The following ANKMY2 variants were observed in gnomAD, a reference collection of about 807,000 sequenced individuals.
ANKMY2 encodes the protein ankyrin repeat and MYND domain-containing protein 2.
In ANKMY2, 36 loss-of-function variants were observed where a neutral mutation model predicts 50.4. That is an observed-to-expected ratio of 0.71 (90% CI 0.55 to 0.94). The LOEUF (loss-of-function observed/expected upper bound fraction) is 0.94, where lower values mean the gene tolerates loss of function less well. ANKMY2 is among the 40% of genes least tolerant of loss of function. The pLI is 0.00. For missense variants in ANKMY2, 565 were observed against 524.0 expected, an observed-to-expected ratio of 1.08 and a Z score of -0.76; for synonymous variants, 187 against 178.8, an observed-to-expected ratio of 1.05 and a Z score of -0.36.
At chr7:16,643,016 T>C (rs1224015248) in intron 1 of ANKMY2, among the ~76,000 whole-genome samples, 4 of 152,244 alleles carry the variant, frequency 2.6e-5, no homozygotes, top group Non-Finnish European at 4.4e-5. Context: ...AGTTCCTCAG[T>C]TGCCTTGCCT....
rs1781826427 is a variant in ANKMY2, at chr7:16,645,545, G to A, written c.29C>T (p.Thr10Ile). The A allele has an allele frequency of 6.2e-7, 1 of 1,611,966 alleles. No individual in the cohort carries two copies. The highest frequency in any genetic ancestry group is 8.5e-7 in the Non-Finnish European group (1 of 1,179,026). MVHIKKGEL[T>I]QEEKELLEVI... is the part of the protein sequence containing the mutation. The stretch of plus-strand genomic sequence containing the variant: ...TTCCAGTAGCTCCTTCTCCTCCTGG[G>A]TCAGCTCGCCTTTCTTTATGTGAAC... The change falls in exon 1 of 10, where the codon ACC becomes ATC. Residue 10 changes from threonine (T) to isoleucine (I), a missense_variant. Thr to Ile is a moderately conservative substitution (Grantham distance 89). Transcript: ENST00000306999.
chr7:16,611,110 T>TA (rs1194822535), intron 5 of ANKMY2, among the ~76,000 whole-genome samples: 3 of 152,216 alleles, frequency 2.0e-5, no homozygotes, highest in African/African-American at 7.2e-5. Context: ...ACATTTTACA[T>TA]AAAGAATCAA....
At chr7:16,628,164 G>C (rs901805143) in intron 2 of ANKMY2, among the ~76,000 whole-genome samples, 1 of 152,206 alleles carries the variant, frequency 6.6e-6, no homozygotes, top group Non-Finnish European at 1.5e-5. Context: ...GCGAAACGCT[G>C]TAAGTACCAA....
chr7:16,645,061 G>A (rs1013767786), intron 1 of ANKMY2, among the ~76,000 whole-genome samples: 1 of 152,152 alleles, frequency 6.6e-6, no homozygotes, highest in Non-Finnish European at 1.5e-5. Flanking sequence ...TCCCAAGCGG[G>A]GGCGGGGATC....
At chr7:16,629,875 G>A (rs1323397543) in intron 2 of ANKMY2, among the ~76,000 whole-genome samples, 1 of 152,002 alleles carries the variant, frequency 6.6e-6, no homozygotes, top group African/African-American at 2.4e-5. Context: ...ACTTTCCCAT[G>A]GGCAAAGTAA....
chr7:16,626,167 G>C (rs570396437), intron 3 of ANKMY2, among the ~76,000 whole-genome samples: 1 of 152,010 alleles, frequency 6.6e-6, no homozygotes, highest in African/African-American at 2.4e-5. Context: ...TTTTGGTAGA[G>C]ACGGGGTCTC....
At chr7:16,620,045 G>A (rs565870948) in intron 4 of ANKMY2, among the ~76,000 whole-genome samples, 118 of 152,314 alleles carry the variant, frequency 7.7e-4, no homozygotes, top group African/African-American at 2.8e-3. Flanking sequence ...GGCAAAATAT[G>A]ACTCACATTT....
At chr7:16,607,022 C>CG (rs1781172219) in intron 7 of ANKMY2, among the ~76,000 whole-genome samples, 1 of 151,996 alleles carries the variant, frequency 6.6e-6, no homozygotes, top group Non-Finnish European at 1.5e-5. Flanking sequence ...CCATCGTATG[C>CG]GGGGAAAAGG....
chr7:16,620,758 A>C (rs1322321953), intron 4 of ANKMY2, among the ~76,000 whole-genome samples: 1 of 152,198 alleles, frequency 6.6e-6, no homozygotes, highest in Non-Finnish European at 1.5e-5. Context: ...GGAAACTAAC[A>C]TTTTAGATTA....
At chr7:16,627,485 T>C (rs978914816) in intron 2 of ANKMY2, among the ~76,000 whole-genome samples, 1 of 152,076 alleles carries the variant, frequency 6.6e-6, no homozygotes, top group African/African-American at 2.4e-5. Context: ...ACTTACTTTC[T>C]CAGAAAGCAA....
Position 16,622,631 on chromosome 7 carries a change from T to C in ANKMY2, c.370+2352A>G, listed in dbSNP as rs550994079. On this transcript the variant is annotated intron_variant, in intron 4 of 9. Transcript: ENST00000306999. ...GGCGCACACCTATAATCCCAGCTAG[T>C]TGGGAGGCTGAGGCAGGAGAATCAC... Among the ~76,000 whole-genome samples the C allele has an allele frequency of 3.2e-4, 49 of 151,694 alleles. 1 individual carries two copies. The highest frequency in any genetic ancestry group is 1.2e-3 in the African/African-American group (48 of 41,318).
chr7:16,600,991 A>G, intron 9 of ANKMY2, 46 bp from the exon 10 acceptor site: 1 of 1,471,598 alleles, frequency 6.8e-7, no homozygotes, highest in African/African-American at 1.4e-5. Context: ...CATGTGTCAG[A>G]CACTCTTCTC....
At chr7:16,613,380 A>G (rs1781288363) in intron 5 of ANKMY2, among the ~76,000 whole-genome samples, 1 of 152,210 alleles carries the variant, frequency 6.6e-6, no homozygotes, top group South Asian at 2.1e-4. Flanking sequence ...GCTAGCTTAA[A>G]AAGGGGGTAG....
intron 4 of ANKMY2, among the ~76,000 whole-genome samples, chr7:16,622,739 C>T (rs1304819359): frequency 7.4e-6 from 1 of 134,856 alleles, no homozygotes; most frequent in East Asian, 2.1e-4. Flanking sequence ...GACTCCATCT[C>T]AAAAATAAAT....
At chr7:16,639,187 T>G (rs1240649722) in intron 1 of ANKMY2, among the ~76,000 whole-genome samples, 1 of 152,266 alleles carries the variant, frequency 6.6e-6, no homozygotes. Flanking sequence ...GTGAAACACA[T>G]GGCTCACACA....
rs902765373 is a variant in ANKMY2 at position 16,636,509 on chromosome 7, A to G, written c.68-54T>C. On this transcript the variant is annotated intron_variant, in intron 1 of 9. Coordinates refer to ENST00000306999, the MANE Select transcript of ANKMY2 (RefSeq NM_020319.3). ...GGTTATTCGTCACTAGAATAAGAGA[A>G]AAATCTAACATCAAGGAAATAAACC... The G allele has an allele frequency of 9.4e-6, 13 of 1,375,828 alleles. No homozygotes were observed. In the African/African-American group the frequency reaches 1.8e-4, roughly 19 times the overall value. The allele number at this position is 1,375,828 out of a possible 1,614,324, so 85.2% of individuals were successfully genotyped here. A position where few individuals can be genotyped will look rare whatever the true frequency, so the allele number is the denominator to read the frequency against.
At chr7:16,643,023 G>A (rs932080885) in intron 1 of ANKMY2, among the ~76,000 whole-genome samples, 1 of 152,124 alleles carries the variant, frequency 6.6e-6, no homozygotes, top group African/African-American at 2.4e-5. Context: ...CAGTTGCCTT[G>A]CCTATAAAGT....
At chr7:16,614,508 G>C (rs1781309424) in intron 5 of ANKMY2, among the ~76,000 whole-genome samples, 1 of 152,182 alleles carries the variant, frequency 6.6e-6, no homozygotes, top group African/African-American at 2.4e-5. Flanking sequence ...TTGGGTGGAG[G>C]AACACACAAT....
rs1178848169 is a variant in ANKMY2, at chr7:16,610,658, C to T, written c.637G>A (p.Asp213Asn). ...TTCATAGCCAATACTTCATTCATGTCTCTTTGCTTCATACATTTCTCACAA... is the reference window on the plus strand; with the variant it reads ...TTCATAGCCAATACTTCATTCATGTTTCTTTGCTTCATACATTTCTCACAA... Reference protein sequence around the residue: ...LICEKCMKQRDMNEVLAMKMH... With the variant: ...LICEKCMKQRNMNEVLAMKMH... The change falls in exon 6 of 10, where the codon GAC (aspartate) becomes AAC (asparagine). Residue 213 changes from aspartate to asparagine, a missense_variant. Transcript: ENST00000306999. The T allele has an allele frequency of 6.2e-7, 1 of 1,613,870 alleles. No homozygotes were observed. The highest frequency in any genetic ancestry group is 2.2e-5 in the East Asian group (1 of 44,850).
Sources: allele counts gnomAD v4.1 joint callset (sites outside exome capture counted in the v4.1 genomes callset), GRCh38; gene constraint gnomAD v4.1.1; transcripts MANE v1.5; gene names NCBI Gene and HGNC (gene_info 2026-07-23, HGNC 2026-07-21).